Variants in FAS observed in about 807,000 individuals in gnomAD.
The protein encoded by FAS is tumor necrosis factor receptor superfamily member 6.
A neutral mutation model predicts 33.2 loss-of-function variants in FAS; 5 were observed. That is an observed-to-expected ratio of 0.15 (90% CI 0.08 to 0.32). The LOEUF is 0.32. Among genes scored for constraint, FAS ranks in the 10% least tolerant of loss-of-function variants. The pLI, the probability that FAS is intolerant of heterozygous loss-of-function variation, is 1.00. For synonymous variants in FAS, 131 were observed against 130.7 expected (o/e 1.00, Z -0.01); for missense variants, 339 against 386.0 (o/e 0.88, Z 1.02).
chr10:88,983,575 G>A (rs866677693), upstream of FAS, among the ~76,000 whole-genome samples: 2 of 115,176 alleles, frequency 1.7e-5, no homozygotes, highest in Non-Finnish European at 3.2e-5. Context: ...ACTTTACAGG[G>A]AGTTGTAAGG....
intron 1 of FAS, among the ~76,000 whole-genome samples, chr10:88,966,645 G>A (rs1846322850): frequency 6.6e-6 from 1 of 152,168 alleles, no homozygotes; most frequent in Non-Finnish European, 1.5e-5. Flanking sequence ...CGGGAACCAT[G>A]ATCTCCTCAT....
intron 4 of FAS, 79 bp from the exon 5 acceptor site, chr10:89,010,460 A>G: frequency 1.7e-6 from 2 of 1,193,796 alleles, no homozygotes; most frequent in Non-Finnish European, 2.5e-6. Context: ...AATGGCCCCT[A>G]ATTTACAAAG....
chr10:88,973,316 G>GAGATCTC (rs1328379934), exon 2 of FAS: 1 of 1,573,578 alleles, frequency 6.4e-7, no homozygotes. Flanking sequence ...AGCTCTGAGA[G>GAGATCTC]AGACAAGAAG....
Position 89,010,750 on chromosome 10 carries a change from C to G in FAS, c.506-3C>G. The G allele has an allele frequency of 6.2e-7, 1 of 1,614,048 alleles. No individual in the cohort carries two copies. Among genetic ancestry groups the G allele is most frequent in the Non-Finnish European group, 8.5e-7 (1 of 1,179,970 alleles). On this transcript the variant is annotated splice_polypyrimidine_tract_variant and splice_region_variant and intron_variant, in intron 5 of 8. Coordinates refer to ENST00000652046, the MANE Select transcript of FAS (RefSeq NM_000043.6). ...ATAAAATGTCCAATGTTCCAACCTA[C>G]AGGATCCAGATCTAACTTGGGGTGG...
At chr10:88,966,926 T>C (rs1387026186) in intron 1 of FAS, among the ~76,000 whole-genome samples, 1 of 152,186 alleles carries the variant, frequency 6.6e-6, no homozygotes, top group Non-Finnish European at 1.5e-5. Flanking sequence ...AGGATACCAT[T>C]AGGAGATCCT....
upstream of FAS, chr10:88,989,337 C>T: frequency 5.3e-5 from 16 of 299,642 alleles, no homozygotes; most frequent in South Asian, 1.4e-4. Flanking sequence ...TTCCTTCCTT[C>T]TTTTTACATT....
At chr10:88,968,814 A>G (rs979218126) in intron 1 of FAS, among the ~76,000 whole-genome samples, 4 of 152,198 alleles carry the variant, frequency 2.6e-5, no homozygotes, top group Non-Finnish European at 4.4e-5. Context: ...TGCATGTTAA[A>G]GAGATTCTGC....
rs1848713948 is a variant in FAS, at chr10:89,014,778, G to A, written c.*328G>A. ...TGTAGTATGAATGTAATCAGTGTATGTTAGTACAAATGTCTATCCACAGGC... is the reference window on the plus strand; with the variant it reads ...TGTAGTATGAATGTAATCAGTGTATATTAGTACAAATGTCTATCCACAGGC... On this transcript the variant is annotated 3_prime_UTR_variant, in exon 9 of 9. Coordinates refer to ENST00000652046, the MANE Select transcript of FAS (RefSeq NM_000043.6). The A allele has an allele frequency of 7.1e-6, 4 of 561,192 alleles. No individual in the cohort carries two copies. The highest frequency in any genetic ancestry group is 1.4e-5 in the Non-Finnish European group (4 of 295,446). The allele number at this position is 561,192 out of a possible 1,614,324, so 34.8% of individuals were successfully genotyped here.
Position 89,014,385 on chromosome 10 carries a change from C to G in FAS, c.943C>G (p.Leu315Val). ...TLAEKIQTII[L>V]KDITSDSENS... ...TGCAGAGAAAATTCAGACTATCATCCTCAAGGACATTACTAGTGACTCAGA... is the reference window on the plus strand; with the variant it reads ...TGCAGAGAAAATTCAGACTATCATCGTCAAGGACATTACTAGTGACTCAGA... The change falls in exon 9 of 9, where the codon CTC becomes GTC. Residue 315 changes from leucine (L) to valine (V), a missense_variant. Physicochemically the swap from Leu to Val is conservative, Grantham distance 32 (BLOSUM62 1). Coordinates refer to ENST00000652046, the MANE Select transcript of FAS (RefSeq NM_000043.6). The G allele has an allele frequency of 6.2e-7, 1 of 1,613,442 alleles. No individual in the cohort carries two copies. The highest frequency in any genetic ancestry group is 1.1e-5 in the South Asian group (1 of 91,078).
upstream of FAS, among the ~76,000 whole-genome samples, chr10:88,990,213 T>C (rs34995925): frequency 3.3e-4 from 51 of 152,368 alleles, no homozygotes; most frequent in Non-Finnish European, 5.3e-4. The surrounding 1 kb of genome is among the most constrained non-coding windows in gnomAD (Gnocchi z 4.9). Context: ...CAGAAACGTC[T>C]GTGAGCCTCT....
Position 89,014,190 on chromosome 10 carries a change from C to A in FAS, c.748C>A (p.Arg250=), listed in dbSNP as rs778993919. ...ACTAAGTCAAGTTAAAGGCTTTGTTCGAAAGAATGGTGTCAATGAAGCCAA... is the reference window on the plus strand; with the variant it reads ...ACTAAGTCAAGTTAAAGGCTTTGTTAGAAAGAATGGTGTCAATGAAGCCAA... The part of the protein sequence containing the change: ...MTLSQVKGFV[R]KNGVNEAKID... Residue 250 remains arginine, a synonymous_variant, in exon 9 of 9, where the codon CGA becomes AGA. Coordinates refer to ENST00000652046, the MANE Select transcript of FAS (RefSeq NM_000043.6). The A allele has an allele frequency of 6.2e-7, 1 of 1,613,724 alleles. No homozygotes were observed. Among genetic ancestry groups the A allele is most frequent in the South Asian group, 1.1e-5 (1 of 91,046 alleles).
At position 88,997,581 on chromosome 10, in the gene FAS, A is replaced by G. The variant is rs9658703; in HGVS notation, c.31-5448A>G. 2.4e-3 allele frequency among the ~76,000 whole-genome samples: 366 copies of G among 152,348 alleles called. 2 individuals are homozygous for G. The highest frequency in any genetic ancestry group is 4.8e-3 in the Admixed American group (74 of 15,310). On this transcript the variant is annotated intron_variant, in intron 1 of 8. Transcript: ENST00000652046. Reference sequence around the variant, plus strand: ...GGATCTTTGCTTATCTCTTCCATGTAGAAAAATTTATTTTACTTCTATTTC... The same window carrying G: ...GGATCTTTGCTTATCTCTTCCATGTGGAAAAATTTATTTTACTTCTATTTC...
intron 1 of FAS, among the ~76,000 whole-genome samples, chr10:88,997,452 T>C (rs1389285891): frequency 6.6e-6 from 1 of 152,224 alleles, no homozygotes; most frequent in Non-Finnish European, 1.5e-5. Context: ...ACCTCTGTCC[T>C]GGACTTTCCA....
rs151031681 is a variant in FAS at position 89,000,734 on chromosome 10, T to C, written c.31-2295T>C. Among the ~76,000 whole-genome samples, 225 of 152,270 alleles carry C rather than the reference T, an allele frequency of 1.5e-3. 3 individuals carry two copies. Among genetic ancestry groups the C allele is most frequent in the African/African-American group, 5.1e-3 (212 of 41,544 alleles). On this transcript the variant is annotated intron_variant, in intron 1 of 8. Transcript: ENST00000652046. ...TGGTCATATTGAAGAAATTCCCTTG[T>C]GGGGGCTTTGCCTAGAGGTAAAATC...
chr10:89,003,031 T>A lies in FAS; in HGVS notation c.33T>A (p.Val11=), dbSNP rs113022949. Residue 11 remains valine, a splice_region_variant and synonymous_variant, in exon 2 of 9, where the codon GTT becomes GTA. Transcript: ENST00000652046. ...CTCTTCATGCTTTTATTTTACAGGT[T>A]CTTACGTCTGTTGCTAGATTATCGT... MLGIWTLLPL[V]LTSVARLSSK... 2.8e-4 allele frequency: 448 copies of A among 1,614,160 alleles called. 1 individual carries two copies. In the African/African-American group the frequency reaches 5.0e-3, roughly 18 times the overall value.
At position 89,005,297 on chromosome 10, in the gene FAS, G is replaced by A. The variant is rs149722754; in HGVS notation, c.196+2103G>A. Among the ~76,000 whole-genome samples the A allele has an allele frequency of 5.5e-3, 834 of 152,026 alleles. 7 individuals carry two copies. Among genetic ancestry groups the A allele is most frequent in the African/African-American group, 0.019 (787 of 41,494 alleles). On this transcript the variant is annotated intron_variant, in intron 2 of 8. Transcript: ENST00000652046. ...GGATGTGACTTAAGAAAGAACCTGG[G>A]ATTATAATAACTTCTATATCACAAA...
upstream of FAS, among the ~76,000 whole-genome samples, chr10:88,983,854 C>G (rs897626039): frequency 6.6e-6 from 1 of 152,096 alleles, no homozygotes; most frequent in African/African-American, 2.4e-5. Flanking sequence ...GATTTCAAAG[C>G]CAGGTGGAGG....
At chr10:88,998,452 C>T (rs916599365) in intron 1 of FAS, among the ~76,000 whole-genome samples, 3 of 152,040 alleles carry the variant, frequency 2.0e-5, no homozygotes, top group African/African-American at 7.3e-5. Context: ...GTTGTATATA[C>T]CAAATTTCCT....
chr10:88,970,873 A>G (rs1846426909), intron 1 of FAS, among the ~76,000 whole-genome samples: 1 of 142,176 alleles, frequency 7.0e-6, no homozygotes, highest in Admixed American at 6.8e-5. Context: ...TATAATAAAA[A>G]AGTGTGTGTG....
Sources: allele counts gnomAD v4.1 joint callset (sites outside exome capture counted in the v4.1 genomes callset), GRCh38; gene constraint gnomAD v4.1.1; non-coding constraint Gnocchi (gnomAD v3.1); transcripts MANE v1.5; gene names NCBI Gene and HGNC (gene_info 2026-07-23, HGNC 2026-07-21).